The following WDPCP variants were observed in gnomAD, a reference collection of about 807,000 sequenced individuals.
WDPCP encodes WD repeat-containing and planar cell polarity effector protein fritz homolog.
In WDPCP, 71 loss-of-function variants were observed where a neutral mutation model predicts 93.1. The ratio of observed to expected loss-of-function variants is 0.76; its 90% CI spans 0.63 to 0.93. WDPCP has a LOEUF of 0.93. Ranked by LOEUF, WDPCP falls within the 40% of genes least tolerant of loss-of-function variation. The pLI is 0.00. For synonymous variants in WDPCP, 315 were observed against 315.0 expected, an observed-to-expected ratio of 1.00 and a Z score of 0.00; for missense variants, 844 against 887.4, an observed-to-expected ratio of 0.95 and a Z score of 0.62.
the WDPCP span, among the ~76,000 whole-genome samples, chr2:63,835,113 G>A: frequency 3.3e-5 from 5 of 151,506 alleles, no homozygotes; most frequent in African/African-American, 9.7e-5. Context: ...GAAGCCAGGC[G>A]TCATGGCTCA....
intron 1 of WDPCP, among the ~76,000 whole-genome samples, chr2:63,543,857 A>G (rs1244030610): frequency 6.6e-6 from 1 of 152,128 alleles, no homozygotes; most frequent in Non-Finnish European, 1.5e-5. Context: ...GTAGTCAGAG[A>G]GCAATTTAAT....
chr2:63,343,191 A>G (rs1005188978), intron 12 of WDPCP, among the ~76,000 whole-genome samples: 2 of 151,866 alleles, frequency 1.3e-5, no homozygotes, highest in Non-Finnish European at 2.9e-5. Context: ...CATTTTTAGT[A>G]GAGATGAGGT....
chr2:63,547,453 T>C lies in WDPCP; in HGVS notation c.75+40744A>G, dbSNP rs1171929772. On this transcript the variant is annotated intron_variant, in intron 1 of 17. Coordinates refer to ENST00000272321, the MANE Select transcript of WDPCP (RefSeq NM_015910.7). ...GGAAATCAATATATCAAAGAGATAT[T>C]TGCACTCCCATTTTATTGCAGCCCT... Among the ~76,000 whole-genome samples, 5 of 152,070 alleles carry C rather than the reference T, an allele frequency of 3.3e-5. No homozygotes were observed. In the South Asian group the frequency reaches 8.3e-4, roughly 25 times the overall value.
chr2:63,263,002 A>G (rs1190976653), intron 13 of WDPCP, among the ~76,000 whole-genome samples: 4 of 152,208 alleles, frequency 2.6e-5, no homozygotes, highest in African/African-American at 7.2e-5. Context: ...TATGCAGTCC[A>G]TTTATTTGCT....
At chr2:63,385,382 A>G (rs933257949) in intron 10 of WDPCP, among the ~76,000 whole-genome samples, 2 of 152,142 alleles carry the variant, frequency 1.3e-5, no homozygotes, top group African/African-American at 2.4e-5. Flanking sequence ...CTATGTAGAA[A>G]ATCCTAAGGA....
At chr2:63,244,486 A>G (rs576574569) in intron 14 of WDPCP, among the ~76,000 whole-genome samples, 1 of 152,278 alleles carries the variant, frequency 6.6e-6, no homozygotes, top group South Asian at 2.1e-4. Flanking sequence ...ATTAACAACG[A>G]AAAAAAGAGA....
At chr2:63,562,358 G>A (rs1346278976) in intron 1 of WDPCP, among the ~76,000 whole-genome samples, 1 of 152,104 alleles carries the variant, frequency 6.6e-6, no homozygotes, top group Non-Finnish European at 1.5e-5. Flanking sequence ...AACACACACT[G>A]GGTAGAGCCT....
intron 1 of WDPCP, among the ~76,000 whole-genome samples, chr2:63,539,772 A>G (rs1191428331): frequency 6.6e-6 from 1 of 152,206 alleles, no homozygotes; most frequent in Non-Finnish European, 1.5e-5. Flanking sequence ...TTTCCAGTAA[A>G]CTATTCTATC....
At chr2:63,378,033 C>T (rs113735414) in intron 12 of WDPCP, 6 of 226,086 alleles carry the variant, frequency 2.7e-5, no homozygotes, top group African/African-American at 1.1e-4. Context: ...ATGACTGTCT[C>T]AGAGCTTTAC....
chr2:63,721,746 G>C (rs1048918703), intron 2 of WDPCP, among the ~76,000 whole-genome samples: 5 of 49,362 alleles, frequency 1.0e-4, no homozygotes, highest in African/African-American at 3.2e-4. Flanking sequence ...CTCTCCCCAC[G>C]GTCTCCCTCT....
At chr2:63,594,940 G>C in intron 3 of WDPCP, 1 of 256,822 alleles carries the variant, frequency 3.9e-6, no homozygotes, top group South Asian at 4.8e-5. Context: ...AACCAAAAGA[G>C]TAAGGAAATC....
At chr2:63,475,101 G>A (rs1405134419) in intron 6 of WDPCP, among the ~76,000 whole-genome samples, 4 of 152,006 alleles carry the variant, frequency 2.6e-5, no homozygotes, top group African/African-American at 9.7e-5. Context: ...AAGTTCAGTA[G>A]CCCCTACACA....
At chr2:63,467,162 T>C (rs1177155317) in intron 6 of WDPCP, among the ~76,000 whole-genome samples, 2 of 152,166 alleles carry the variant, frequency 1.3e-5, no homozygotes, top group African/African-American at 4.8e-5. Context: ...AATGTAAATT[T>C]CCTGTTTTTC....
chr2:63,526,907 T>C (rs1011446615), intron 1 of WDPCP, among the ~76,000 whole-genome samples: 1 of 152,216 alleles, frequency 6.6e-6, no homozygotes, highest in East Asian at 1.9e-4. Context: ...ATTTGCTCTA[T>C]AATATTCCCC....
intron 1 of WDPCP, among the ~76,000 whole-genome samples, chr2:63,504,315 C>T (rs1023421655): frequency 2.2e-5 from 3 of 134,450 alleles, no homozygotes; most frequent in Admixed American, 7.6e-5. Flanking sequence ...TCTGAAATTA[C>T]GTACTAAATT....
chr2:63,379,518 A>G (rs1692128517), intron 11 of WDPCP, among the ~76,000 whole-genome samples: 1 of 152,144 alleles, frequency 6.6e-6, no homozygotes, highest in Non-Finnish European at 1.5e-5. Context: ...GTCAATTTAG[A>G]TTACAATTGA....
chr2:63,793,115 G>T lies in WDPCP; in HGVS notation n.308+20507C>A, dbSNP rs551089961. 3.3e-5 allele frequency among the ~76,000 whole-genome samples: 5 copies of T among 151,896 alleles called. No homozygotes were observed. The South Asian group carries it at 8.3e-4, about 25-fold the overall frequency. On this transcript the variant is annotated intron_variant and non_coding_transcript_variant, in intron 2 of 4. Transcript: ENST00000467687. ...AAAAGTCTTTCAGTTTGAGCTTCTTGATTTTTTTTTTTAGAGACAGGGTCT... is the reference window on the plus strand; with the variant it reads ...AAAAGTCTTTCAGTTTGAGCTTCTTTATTTTTTTTTTTAGAGACAGGGTCT...
chr2:63,684,421 GCCA>G, intron 2 of WDPCP: 1 of 838,596 alleles, frequency 1.2e-6, no homozygotes, highest in Non-Finnish European at 2.0e-6. Context: ...CGCCCCTACA[GCCA>G]CCTCTGGTGG....
intron 2 of WDPCP, among the ~76,000 whole-genome samples, chr2:63,675,991 G>A (rs900644274): frequency 1.3e-5 from 2 of 151,926 alleles, no homozygotes; most frequent in African/African-American, 4.8e-5. Flanking sequence ...CTTTCCCTTT[G>A]GTCTATATAT....
Sources: gnomAD v4.1 joint callset for allele counts (sites outside exome capture counted in the v4.1 genomes callset) on GRCh38, gnomAD v4.1.1 for gene constraint, MANE v1.5 for transcripts, NCBI Gene and HGNC (gene_info 2026-07-23, HGNC 2026-07-21) for gene names.